Variants in MAP4K5 observed in about 807,000 individuals in gnomAD.
MAP4K5 encodes the protein mitogen-activated protein kinase kinase kinase kinase 5.
In MAP4K5, 82 loss-of-function variants were observed where a neutral mutation model predicts 135.6. That is an observed-to-expected ratio of 0.60 (90% CI 0.51 to 0.73). The LOEUF (loss-of-function observed/expected upper bound fraction) is 0.73. Ranked by LOEUF, MAP4K5 falls within the 30% of genes least tolerant of loss-of-function variation. The pLI is 0.00. For missense variants in MAP4K5, 907 were observed against 1,010.9 expected (o/e 0.90, Z 1.39); for synonymous variants, 347 against 335.0 (o/e 1.04, Z -0.39).
chr14:50,469,979 C>T (rs923004979), intron 9 of MAP4K5, among the ~76,000 whole-genome samples: 1 of 152,104 alleles, frequency 6.6e-6, no homozygotes, highest in African/African-American at 2.4e-5. Flanking sequence ...AAAATGTGAA[C>T]ATGTAGATGT....
intron 2 of MAP4K5, among the ~76,000 whole-genome samples, chr14:50,541,532 G>A (rs1166332991): frequency 6.6e-6 from 1 of 152,186 alleles, no homozygotes; most frequent in Non-Finnish European, 1.5e-5. Context: ...TTTGACCCAT[G>A]TAACCTGTAT....
intron 2 of MAP4K5, among the ~76,000 whole-genome samples, chr14:50,508,796 G>C (rs1449897709): frequency 6.6e-6 from 1 of 152,078 alleles, no homozygotes; most frequent in Non-Finnish European, 1.5e-5. Flanking sequence ...GTGTAAACTA[G>C]TTCAACCATT....
intron 30 of MAP4K5, among the ~76,000 whole-genome samples, chr14:50,428,359 G>A (rs887248624): frequency 2.0e-5 from 3 of 151,918 alleles, no homozygotes; most frequent in Admixed American, 1.3e-4. Context: ...GGGTTCAAGC[G>A]ATTCTCCTGC....
At chr14:50,479,586 A>G (rs1328671769) in intron 6 of MAP4K5, among the ~76,000 whole-genome samples, 4 of 152,038 alleles carry the variant, frequency 2.6e-5, no homozygotes, top group Admixed American at 6.6e-5. Context: ...TATACCTTCC[A>G]TATCTCAACT....
At chr14:50,483,754 G>C (rs2037303966) in intron 5 of MAP4K5, among the ~76,000 whole-genome samples, 1 of 145,696 alleles carries the variant, frequency 6.9e-6, no homozygotes, top group South Asian at 2.1e-4. Context: ...CAGCTATCTT[G>C]AGTGCTCTCA....
At chr14:50,534,380 CAAG>C (rs1399941656), upstream of MAP4K5, among the ~76,000 whole-genome samples, 1 of 152,162 alleles carries the variant, frequency 6.6e-6, no homozygotes, top group African/African-American at 2.4e-5. Flanking sequence ...ACCAATTGAT[CAAG>C]AAGAGGCATA....
At chr14:50,451,290 G>C (rs1054400410) in intron 14 of MAP4K5, among the ~76,000 whole-genome samples, 3 of 152,116 alleles carry the variant, frequency 2.0e-5, no homozygotes, top group Non-Finnish European at 4.4e-5. Flanking sequence ...GATACATGAA[G>C]AAGAGTGTAG....
intron 2 of MAP4K5, among the ~76,000 whole-genome samples, chr14:50,506,353 G>C (rs1048028626): frequency 6.1e-5 from 9 of 147,912 alleles, no homozygotes; most frequent in Non-Finnish European, 1.1e-4. Flanking sequence ...TTTGTCTTTT[G>C]TTTGTTTGGT....
In MAP4K5 at chr14:50,464,038, T is replaced by C. The variant is rs1260169573; in HGVS notation, c.819+14A>G. On this transcript the variant is annotated intron_variant, in intron 12 of 32. Coordinates refer to ENST00000682126, the MANE Select transcript of MAP4K5 (RefSeq NM_006575.6). ...ATGACTATAGGAAGACCCCTCGTAA[T>C]TTCAATGACTTACAGTCAGAAGTCT... 1 of 1,486,844 alleles carries C rather than the reference T, an allele frequency of 6.7e-7. No homozygotes were observed. The highest frequency in any genetic ancestry group is 2.5e-5 in the East Asian group (1 of 40,684). The allele number at this position is 1,486,844 out of a possible 1,614,324, so 92.1% of individuals were successfully genotyped here.
intron 28 of MAP4K5, among the ~76,000 whole-genome samples, chr14:50,430,934 C>T (rs984566266): frequency 1.3e-5 from 2 of 152,100 alleles, no homozygotes; most frequent in African/African-American, 4.8e-5. Context: ...ATAACATATT[C>T]CTTTCTCTTC....
Position 50,493,226 on chromosome 14 carries a change from G to A in MAP4K5, c.167-7032C>T, listed in dbSNP as rs112702698. On this transcript the variant is annotated intron_variant, in intron 3 of 32. Coordinates refer to ENST00000682126, the MANE Select transcript of MAP4K5 (RefSeq NM_006575.6). ...GCAGTCCTTCTGCCTCAGCCTCCCAGGTAGCTGGGACTACAGGTATATGCT... is the reference window on the plus strand; with the variant it reads ...GCAGTCCTTCTGCCTCAGCCTCCCAAGTAGCTGGGACTACAGGTATATGCT... Among the ~76,000 whole-genome samples, 932 of 152,016 alleles carry A rather than the reference G, an allele frequency of 6.1e-3. 12 individuals carry two copies. The highest frequency in any genetic ancestry group is 0.02 in the African/African-American group (842 of 41,472).
intron 1 of MAP4K5, among the ~76,000 whole-genome samples, chr14:50,553,390 A>G (rs2038726525): frequency 1.3e-5 from 2 of 152,028 alleles, no homozygotes; most frequent in South Asian, 4.1e-4. Context: ...GCAAATCAAA[A>G]CCACAATGAG....
At chr14:50,510,464 C>T (rs937173178) in intron 2 of MAP4K5, among the ~76,000 whole-genome samples, 5 of 152,258 alleles carry the variant, frequency 3.3e-5, no homozygotes, top group African/African-American at 4.8e-5. Flanking sequence ...CTTAGCTCTA[C>T]GCATGATCCT....
At chr14:50,424,663 T>C (rs1299276788) in intron 31 of MAP4K5, among the ~76,000 whole-genome samples, 2 of 144,488 alleles carry the variant, frequency 1.4e-5, no homozygotes, top group African/African-American at 5.2e-5. Flanking sequence ...TGAGCTGAGA[T>C]TGTGCCGCTG....
intron 8 of MAP4K5, 50 bp downstream of exon 8, chr14:50,476,078 A>C (rs1307295061): frequency 3.1e-6 from 3 of 967,446 alleles, no homozygotes; most frequent in African/African-American, 1.7e-5. Flanking sequence ...AATTTTATTA[A>C]AATGTCATTA....
upstream of MAP4K5, chr14:50,532,914 G>A (rs140167964): frequency 6.6e-6 from 1 of 152,440 alleles, no homozygotes; most frequent in East Asian, 1.9e-4. Flanking sequence ...AAGGGCGATG[G>A]GAACGTAGCC....
At chr14:50,471,509 G>T (rs1311483434) in intron 9 of MAP4K5, among the ~76,000 whole-genome samples, 2 of 151,952 alleles carry the variant, frequency 1.3e-5, no homozygotes, top group Non-Finnish European at 2.9e-5. Flanking sequence ...GAGAACAGAA[G>T]AAATCTGGTA....
chr14:50,486,207 A>T lies in MAP4K5; in HGVS notation c.167-13T>A. On this transcript the variant is annotated splice_polypyrimidine_tract_variant and intron_variant, in intron 3 of 32. Transcript: ENST00000682126. ...GAAAAATCATCTCCTGGAAAACAAAATAAGTTGTTTATCATGTTACTCAAA... is the reference window on the plus strand; with the variant it reads ...GAAAAATCATCTCCTGGAAAACAAATTAAGTTGTTTATCATGTTACTCAAA... 1.1e-6 allele frequency: 1 copy of T among 916,952 alleles called. No homozygotes were observed. The highest frequency in any genetic ancestry group is 2.8e-5 in the East Asian group (1 of 35,608). 56.8% of individuals were successfully genotyped at this position (916,952 alleles called of 1,614,324 possible).
At chr14:50,464,252 A>G (rs2036781974) in intron 11 of MAP4K5, 119 bp from the exon 12 acceptor site, 1 of 605,710 alleles carries the variant, frequency 1.7e-6, no homozygotes, top group Non-Finnish European at 2.9e-6. Context: ...TGGGCCACTT[A>G]GTTAAAGTAC....
Sources: allele counts gnomAD v4.1 joint callset (sites outside exome capture counted in the v4.1 genomes callset), GRCh38; gene constraint gnomAD v4.1.1; transcripts MANE v1.5; gene names NCBI Gene and HGNC (gene_info 2026-07-23, HGNC 2026-07-21).